The following SYNGR2 variants were observed in gnomAD, a reference collection of about 807,000 sequenced individuals.
SYNGR2 encodes synaptogyrin-2.
In SYNGR2, 11 loss-of-function variants were observed where a neutral mutation model predicts 18.7. The ratio of observed to expected loss-of-function variants is 0.59; its 90% confidence interval spans 0.37 to 0.97. The LOEUF (loss-of-function observed/expected upper bound fraction) is 0.97. SYNGR2 is among the 50% of genes least tolerant of loss of function. The pLI, the probability that SYNGR2 is intolerant of heterozygous loss-of-function variation, is 0.01. For missense variants in SYNGR2, 253 were observed against 300.7 expected, an observed-to-expected ratio of 0.84 and a Z score of 1.17; for synonymous variants, 127 against 131.0, an observed-to-expected ratio of 0.97 and a Z score of 0.21.
Position 78,171,758 on chromosome 17 carries a change from CCTACCAGCG to C in SYNGR2, c.502_510del (p.Gln168_Tyr170del). On this transcript the variant is annotated inframe_deletion, in exon 4 of 4. Transcript: ENST00000225777. The surrounding 1 kb of genome is among the most constrained non-coding windows in gnomAD (Gnocchi z 6.6). ...CTGCAGGGTGTGCTGGCCTCCCTGG[CCTACCAGCG>C]CTACAAGGCTGGCGTGGACGACTTC... The C allele has an allele frequency of 6.8e-6, 11 of 1,614,114 alleles. No homozygotes were observed. The highest frequency in any genetic ancestry group is 9.3e-6 in the Non-Finnish European group (11 of 1,179,996).
chr17:78,172,349 T>G lies in SYNGR2; in HGVS notation c.*413T>G. ...AAAGACTCGTGGGGGCCATCACACC[T>G]GCCCTGTGCAGCGGAGCCGGACCAG... On this transcript the variant is annotated 3_prime_UTR_variant, in exon 4 of 4. Transcript: ENST00000225777. 2.8e-6 allele frequency: 1 copy of G among 362,486 alleles called. No individual in the cohort carries two copies. Among genetic ancestry groups the G allele is most frequent in the Non-Finnish European group, 5.1e-6 (1 of 197,894 alleles). 22.5% of individuals were successfully genotyped at this position (362,486 alleles called of 1,614,324 possible). A position where few individuals can be genotyped will look rare whatever the true frequency, so the allele number is the denominator to read the frequency against.
At position 78,171,337 on chromosome 17, in the gene SYNGR2, G is replaced by C; in HGVS notation, c.338-173G>C. The C allele has an allele frequency of 1.2e-6, 1 of 816,630 alleles. No homozygotes were observed. Among genetic ancestry groups the C allele is most frequent in the Non-Finnish European group, 1.9e-6 (1 of 535,976 alleles). The allele number at this position is 816,630 out of a possible 1,614,324, so 50.6% of individuals were successfully genotyped here. On this transcript the variant is annotated intron_variant, in intron 2 of 3. Coordinates refer to ENST00000225777, the MANE Select transcript of SYNGR2 (RefSeq NM_004710.7). This position sits in a 1 kb window ranked among gnomAD's most constrained non-coding sequence, Gnocchi z 6.6. ...GTCTGCTGTGGCCCACCCTGCCAAG[G>C]CCCGAGTGTGGGGGACTTTGGAGGT...
rs771701642 is a variant in SYNGR2, at chr17:78,171,733, C to T, written c.478-6C>T. ...CCACCTGTACCCTGCTGTGCTCCCCCTGCAGGGTGTGCTGGCCTCCCTGGC... is the reference window on the plus strand; with the variant it reads ...CCACCTGTACCCTGCTGTGCTCCCCTTGCAGGGTGTGCTGGCCTCCCTGGC... On this transcript the variant is annotated splice_region_variant and splice_polypyrimidine_tract_variant and intron_variant, in intron 3 of 3. Transcript: ENST00000225777. The surrounding 1 kb of genome is among the most constrained non-coding windows in gnomAD (Gnocchi z 6.6). 9.9e-6 allele frequency: 16 copies of T among 1,614,062 alleles called. No homozygotes were observed. The highest frequency in any genetic ancestry group is 1.1e-5 in the Non-Finnish European group (13 of 1,179,980).
intron 1 of SYNGR2, chr17:78,170,091 GAC>G (rs2075647729): frequency 6.6e-6 from 1 of 152,532 alleles, no homozygotes; most frequent in African/African-American, 2.4e-5. Flanking sequence ...GGCTGAAGGT[GAC>G]GGGGGATGGG....
chr17:78,172,336 G>A lies in SYNGR2; in HGVS notation c.*400G>A. On this transcript the variant is annotated 3_prime_UTR_variant, in exon 4 of 4. Coordinates refer to ENST00000225777, the MANE Select transcript of SYNGR2 (RefSeq NM_004710.7). ...TGCGTTCTCTGCCAAAGACTCGTGG[G>A]GGCCATCACACCTGCCCTGTGCAGC... is the stretch of plus-strand genomic sequence containing the variant. 2.4e-6 allele frequency: 1 copy of A among 414,946 alleles called. No homozygotes were observed. Among genetic ancestry groups the A allele is most frequent in the South Asian group, 3.6e-5 (1 of 28,078 alleles). The allele number at this position is 414,946 out of a possible 1,614,324, so 25.7% of individuals were successfully genotyped here. A position where few individuals can be genotyped will look rare whatever the true frequency, so the allele number is the denominator to read the frequency against.
In SYNGR2 at chr17:78,168,732, C is replaced by G; in HGVS notation, c.99+17C>G. The G allele has an allele frequency of 1.7e-6, 2 of 1,194,630 alleles. No homozygotes were observed. Among genetic ancestry groups the G allele is most frequent in the Non-Finnish European group, 2.1e-6 (2 of 964,084 alleles). 74.0% of individuals were successfully genotyped at this position (1,194,630 alleles called of 1,614,324 possible). On this transcript the variant is annotated intron_variant, in intron 1 of 3. Transcript: ENST00000225777. ...GTGTGCTTGGTGAGCCCGGGGAGGG[C>G]GGGCCGAGGGCACCCTGGGGACCCC... is the stretch of plus-strand genomic sequence containing the variant.
intron 1 of SYNGR2, chr17:78,169,267 TGTG>T (rs1289960223): frequency 1.6e-4 from 4 of 25,172 alleles, no homozygotes; most frequent in African/African-American, 6.9e-4. Context: ...TGTGTGTGTG[TGTG>T]TGTGGCGGGG....
In SYNGR2 at chr17:78,170,858, C is replaced by G. The variant is rs1079170; in HGVS notation, c.141C>G (p.Gly47=). 55,655 of 1,613,134 alleles carry G rather than the reference C, an allele frequency of 0.035. 2,734 individuals are homozygous for G. The highest frequency in any genetic ancestry group is 0.26 in the East Asian group (11,476 of 44,874). The change falls in exon 2 of 4, where the codon GGC becomes GGG. Residue 47 remains glycine, a synonymous_variant. Coordinates refer to ENST00000225777, the MANE Select transcript of SYNGR2 (RefSeq NM_004710.7). The stretch of plus-strand genomic sequence containing the variant: ...TGTTCTCCTGCATCTATGGTGAGGG[C>G]TACAGCAATGCCCACGAGTCTAAGC... ...LIVFSCIYGE[G]YSNAHESKQM...
At position 78,171,303 on chromosome 17, in the gene SYNGR2, C is replaced by A; in HGVS notation, c.338-207C>A. On this transcript the variant is annotated intron_variant, in intron 2 of 3. Coordinates refer to ENST00000225777, the MANE Select transcript of SYNGR2 (RefSeq NM_004710.7). This position sits in a 1 kb window ranked among gnomAD's most constrained non-coding sequence, Gnocchi z 6.6. The stretch of plus-strand genomic sequence containing the variant: ...GGGCTTTGCCTCTGCCCCTTTTGTC[C>A]CCTAGGCTGTCTGCTGTGGCCCACC... The A allele has an allele frequency of 1.4e-6, 1 of 696,304 alleles. No homozygotes were observed. The highest frequency in any genetic ancestry group is 3.0e-5 in the Admixed American group (1 of 33,864). 43.1% of individuals were successfully genotyped at this position (696,304 alleles called of 1,614,324 possible).
In SYNGR2 at chr17:78,172,038, C is replaced by A; in HGVS notation, c.*102C>A. The A allele has an allele frequency of 6.4e-7, 1 of 1,570,062 alleles. No individual in the cohort carries two copies. The highest frequency in any genetic ancestry group is 8.6e-7 in the Non-Finnish European group (1 of 1,163,282). ...TGCCAGCCCCTCTCTTTCACCTGTTCCATCCTGTGCAGCTGACACACAGCT... is the reference window on the plus strand; with the variant it reads ...TGCCAGCCCCTCTCTTTCACCTGTTACATCCTGTGCAGCTGACACACAGCT... On this transcript the variant is annotated 3_prime_UTR_variant, in exon 4 of 4. Coordinates refer to ENST00000225777, the MANE Select transcript of SYNGR2 (RefSeq NM_004710.7).
intron 1 of SYNGR2, among the ~76,000 whole-genome samples, chr17:78,168,929 A>T (rs1390527786): frequency 7.7e-6 from 1 of 130,460 alleles, no homozygotes. Context: ...CCCGCCACCC[A>T]CCCCACCCCC....
At position 78,168,608 on chromosome 17, in the gene SYNGR2, G is replaced by C. The variant is rs1056644575; in HGVS notation, c.-9G>C. ...GTTCCGCGGCGGCGGCAGCGGCGGC[G>C]ACGGCGACATGGAGAGCGGGGCCTA... is the stretch of plus-strand genomic sequence containing the variant. On this transcript the variant is annotated 5_prime_UTR_variant, in exon 1 of 4. Coordinates refer to ENST00000225777, the MANE Select transcript of SYNGR2 (RefSeq NM_004710.7). 48 of 1,197,870 alleles carry C rather than the reference G, an allele frequency of 4.0e-5. No individual in the cohort carries two copies. The highest frequency in any genetic ancestry group is 1.8e-4 in the Admixed American group (4 of 22,586). The allele number at this position is 1,197,870 out of a possible 1,614,324, so 74.2% of individuals were successfully genotyped here.
chr17:78,171,754 C>A lies in SYNGR2; in HGVS notation c.493C>A (p.Leu165Met). ...CCCCCTGCAGGGTGTGCTGGCCTCC[C>A]TGGCCTACCAGCGCTACAAGGCTGG... is the stretch of plus-strand genomic sequence containing the variant. ...SIFSWGVLASLAYQRYKAGVD... is the reference protein window; with the variant it reads ...SIFSWGVLASMAYQRYKAGVD... The change falls in exon 4 of 4, where the codon CTG becomes ATG. Residue 165 changes from leucine to methionine, a missense_variant. Leu to Met is a conservative substitution (Grantham distance 15, BLOSUM62 2). Coordinates refer to ENST00000225777, the MANE Select transcript of SYNGR2 (RefSeq NM_004710.7). The surrounding 1 kb of genome is among the most constrained non-coding windows in gnomAD (Gnocchi z 6.6). The A allele has an allele frequency of 6.2e-7, 1 of 1,614,144 alleles. No individual in the cohort carries two copies. The highest frequency in any genetic ancestry group is 8.5e-7 in the Non-Finnish European group (1 of 1,179,988).
chr17:78,171,982 G>T lies in SYNGR2; in HGVS notation c.*46G>T. The T allele has an allele frequency of 1.2e-6, 2 of 1,605,770 alleles. No individual in the cohort carries two copies. Among genetic ancestry groups the T allele is most frequent in the Non-Finnish European group, 1.7e-6 (2 of 1,179,430 alleles). ...GGGGACAGAGAGGGCCCTCCCCTCT[G>T]CCCTGGACTTTCCCATGAGCCTCCT... is the stretch of plus-strand genomic sequence containing the variant. On this transcript the variant is annotated 3_prime_UTR_variant, in exon 4 of 4. Coordinates refer to ENST00000225777, the MANE Select transcript of SYNGR2 (RefSeq NM_004710.7). The surrounding 1 kb of genome is among the most constrained non-coding windows in gnomAD (Gnocchi z 6.6).
intron 1 of SYNGR2, chr17:78,170,375 G>A (rs942645801): frequency 3.0e-5 from 5 of 166,242 alleles, no homozygotes; most frequent in Admixed American, 2.3e-4. Context: ...ACCTCCACAA[G>A]TTTGGAGGGG....
At position 78,168,677 on chromosome 17, in the gene SYNGR2, CT is replaced by C; in HGVS notation, c.62del (p.Leu21ArgfsTer17). 1 of 1,204,146 alleles carries C rather than the reference CT, an allele frequency of 8.3e-7. No individual in the cohort carries two copies. Among genetic ancestry groups the C allele is most frequent in the Non-Finnish European group, 1.0e-6 (1 of 970,066 alleles). 74.6% of individuals were successfully genotyped at this position (1,204,146 alleles called of 1,614,324 possible). A position where few individuals can be genotyped will look rare whatever the true frequency, so the allele number is the denominator to read the frequency against. Reference sequence around the variant, plus strand: ...CGGCTCCTTCGACCTGCGGCGCTTCCTGACGCAGCCGCAGGTGGTGGCGCGC... The same window carrying C: ...CGGCTCCTTCGACCTGCGGCGCTTCCGACGCAGCCGCAGGTGGTGGCGCGC... ...AGGSFDLRRFLTQPQVVARAV... is the reference protein window; with the variant it reads ...AGGSFDLRRFXTQPQVVARAV... On this transcript the variant is annotated frameshift_variant, in exon 1 of 4. Transcript: ENST00000225777. LOFTEE classifies it high-confidence loss of function.
rs1273896340 is a variant in SYNGR2 at position 78,171,745 on chromosome 17, C to T, written c.484C>T (p.Leu162=). 1 of 1,614,100 alleles carries T rather than the reference C, an allele frequency of 6.2e-7. No homozygotes were observed. The highest frequency in any genetic ancestry group is 1.1e-5 in the South Asian group (1 of 91,086). Residue 162 remains leucine (L), a synonymous_variant, in exon 4 of 4, where the codon CTG becomes TTG. Coordinates refer to ENST00000225777, the MANE Select transcript of SYNGR2 (RefSeq NM_004710.7). This position sits in a 1 kb window ranked among gnomAD's most constrained non-coding sequence, Gnocchi z 6.6. Reference sequence around the variant, plus strand: ...TGCTGTGCTCCCCCTGCAGGGTGTGCTGGCCTCCCTGGCCTACCAGCGCTA... The same window carrying T: ...TGCTGTGCTCCCCCTGCAGGGTGTGTTGGCCTCCCTGGCCTACCAGCGCTA... ...SFFSIFSWGV[L]ASLAYQRYKA... is the part of the protein sequence containing the mutation.
chr17:78,168,625 C>T lies in SYNGR2; in HGVS notation c.9C>T (p.Ser3=). 1.7e-6 allele frequency: 2 copies of T among 1,202,780 alleles called. No homozygotes were observed. Among genetic ancestry groups the T allele is most frequent in the Non-Finnish European group, 2.1e-6 (2 of 969,064 alleles). 74.5% of individuals were successfully genotyped at this position (1,202,780 alleles called of 1,614,324 possible). The change falls in exon 1 of 4, where the codon AGC becomes AGT. Residue 3 remains serine, a synonymous_variant. Coordinates refer to ENST00000225777, the MANE Select transcript of SYNGR2 (RefSeq NM_004710.7). ME[S]GAYGAAKAGG... Reference sequence around the variant, plus strand: ...GCGGCGGCGACGGCGACATGGAGAGCGGGGCCTACGGCGCGGCCAAGGCGG... The same window carrying T: ...GCGGCGGCGACGGCGACATGGAGAGTGGGGCCTACGGCGCGGCCAAGGCGG...
At chr17:78,170,251 A>G (rs975444394) in intron 1 of SYNGR2, 1 of 154,178 alleles carries the variant, frequency 6.5e-6, no homozygotes, top group African/African-American at 2.4e-5. Context: ...CCTGCCTAGG[A>G]GGTCCCTGCC....
Sources: allele counts gnomAD v4.1 joint callset (sites outside exome capture counted in the v4.1 genomes callset), GRCh38; gene constraint gnomAD v4.1.1; non-coding constraint Gnocchi (gnomAD v3.1); transcripts MANE v1.5; gene names NCBI Gene and HGNC (gene_info 2026-07-23, HGNC 2026-07-21).